The following FANCI variants were observed in gnomAD, a reference collection of about 807,000 sequenced individuals.
FANCI encodes the protein Fanconi anemia group I protein.
A neutral mutation model predicts 176.1 loss-of-function variants in FANCI; 156 were observed. The observed-to-expected ratio is 0.89, with a 90% CI of 0.78 to 1.01. FANCI has a LOEUF of 1.01. Among genes scored for constraint, FANCI ranks in the 50% least tolerant of loss-of-function variants. FANCI has a pLI of 0.00. For synonymous variants in FANCI, 613 were observed against 541.7 expected (o/e 1.13, Z -1.83); for missense variants, 1,678 against 1,534.1 (o/e 1.09, Z -1.57).
chr15:89,293,924 A>G lies in FANCI; in HGVS notation c.2383A>G (p.Lys795Glu), dbSNP rs2054160005. Residue 795 changes from lysine (K) to glutamate (E), a missense_variant, in exon 23 of 38, where the codon AAA becomes GAA. Physicochemically the swap from Lys to Glu is moderately conservative, Grantham distance 56. Coordinates refer to ENST00000310775, the MANE Select transcript of FANCI (RefSeq NM_001113378.2). Reference sequence around the variant, plus strand: ...TGAAAAAGCGGGTAAAGCCAAAACTAAAATGGCCAACAAGACAAGTGATAG... The same window carrying G: ...TGAAAAAGCGGGTAAAGCCAAAACTGAAATGGCCAACAAGACAAGTGATAG... ...LNEKAGKAKT[K>E]MANKTSDSLL... 1.2e-6 allele frequency: 2 copies of G among 1,614,158 alleles called. No homozygotes were observed. Among genetic ancestry groups the G allele is most frequent in the East Asian group, 4.5e-5 (2 of 44,866 alleles).
rs781503363 is a variant in FANCI at position 89,268,458 on chromosome 15, T to C, written c.815T>C (p.Ile272Thr). 1 of 1,614,186 alleles carries C rather than the reference T, an allele frequency of 6.2e-7. No homozygotes were observed. Among genetic ancestry groups the C allele is most frequent in the Non-Finnish European group, 8.5e-7 (1 of 1,180,022 alleles). Residue 272 changes from isoleucine to threonine, a missense_variant, in exon 10 of 38, where the codon ATT becomes ACT. Physicochemically the swap from Ile to Thr is moderately conservative, Grantham distance 89. Around this residue, in one of 3 missense-constraint regions of FANCI, gnomAD observed 469 missense variants for 436.9 expected, o/e 1.07. Transcript: ENST00000310775. Reference sequence around the variant, plus strand: ...CTTCGTCATGTGGAAGGCACCATTATTCTACACATTGTGTTTGCCATCAAA... The same window carrying C: ...CTTCGTCATGTGGAAGGCACCATTACTCTACACATTGTGTTTGCCATCAAA... ...GELRHVEGTI[I>T]LHIVFAIKLD... is the part of the protein sequence containing the mutation.
chr15:89,305,730 T>C lies in FANCI; in HGVS notation c.3349+32T>C, dbSNP rs1430943096. The stretch of plus-strand genomic sequence containing the variant: ...TAAGTTCAACTGGGATTCCAGGAAT[T>C]GACATGAGCAAGGTCAAAATTCATA... On this transcript the variant is annotated intron_variant, in intron 31 of 37. Transcript: ENST00000310775. 5 of 1,602,074 alleles carry C rather than the reference T, an allele frequency of 3.1e-6. No homozygotes were observed. In the East Asian group the frequency reaches 1.1e-4, roughly 36 times the overall value.
Position 89,264,616 on chromosome 15 carries a change from T to C in FANCI, c.755+9T>C, listed in dbSNP as rs369467223. The C allele has an allele frequency of 8.1e-6, 13 of 1,605,278 alleles. 1 individual carries two copies. The South Asian group carries it at 8.8e-5, about 11-fold the overall frequency. On this transcript the variant is annotated intron_variant, in intron 9 of 37. Transcript: ENST00000310775. ...GAACAGAGTGGTGACGAGTGAGTAATATAGTGTAGAAATAAAGATCATTTT... is the reference window on the plus strand; with the variant it reads ...GAACAGAGTGGTGACGAGTGAGTAACATAGTGTAGAAATAAAGATCATTTT...
chr15:89,264,437 T>C (rs1247633054), intron 8 of FANCI, 85 bp from the exon 9 acceptor site: 2 of 1,087,170 alleles, frequency 1.8e-6, no homozygotes, highest in Non-Finnish European at 2.8e-6. Flanking sequence ...TACTGGAGAA[T>C]TCTTTAAGCT....
chr15:89,312,794 G>A, intron 34 of FANCI, 110 bp from the exon 35 acceptor site: 1 of 815,054 alleles, frequency 1.2e-6, no homozygotes, highest in Non-Finnish European at 2.0e-6. Flanking sequence ...ACACCAGCCT[G>A]GGTGACAGCA....
At chr15:89,257,035 T>A (rs2052526562) in intron 2 of FANCI, among the ~76,000 whole-genome samples, 1 of 152,172 alleles carries the variant, frequency 6.6e-6, no homozygotes, top group African/African-American at 2.4e-5. Context: ...GCCTCCCAAG[T>A]AGCTGGGACT....
Position 89,299,985 on chromosome 15 carries a change from A to G in FANCI, c.2803+19A>G, listed in dbSNP as rs368375926. The stretch of plus-strand genomic sequence containing the variant: ...GCTCTGGGTAAGCATTGCAGTATCA[A>G]TAAATAGGCTTGATTTAGGTTTCTC... On this transcript the variant is annotated intron_variant, in intron 25 of 37. Transcript: ENST00000310775. 12 of 1,613,524 alleles carry G rather than the reference A, an allele frequency of 7.4e-6. No homozygotes were observed. In the Admixed American group the frequency reaches 1.2e-4, roughly 16 times the overall value.
chr15:89,275,861 G>T (rs1254680048), intron 12 of FANCI, among the ~76,000 whole-genome samples: 9 of 152,206 alleles, frequency 5.9e-5, no homozygotes, highest in African/African-American at 2.2e-4. Flanking sequence ...AGCTGGGAGA[G>T]ATTTGGATAG....
At chr15:89,287,552 A>G (rs2053868729) in intron 18 of FANCI, among the ~76,000 whole-genome samples, 1 of 152,224 alleles carries the variant, frequency 6.6e-6, no homozygotes, top group Admixed American at 6.5e-5. Flanking sequence ...ATTTCCTTTA[A>G]GAGCATTTTC....
intron 11 of FANCI, among the ~76,000 whole-genome samples, chr15:89,273,927 G>T (rs2053304728): frequency 6.6e-6 from 1 of 152,002 alleles, no homozygotes; most frequent in Non-Finnish European, 1.5e-5. Flanking sequence ...CTTAAGGAAG[G>T]CTTGTCTTCA....
intron 27 of FANCI, 134 bp downstream of exon 27, chr15:89,301,576 G>C: frequency 1.3e-6 from 1 of 762,332 alleles, no homozygotes; most frequent in Non-Finnish European, 2.4e-6. Flanking sequence ...ATACACCTGA[G>C]TTAATATAAG....
At chr15:89,247,871 T>G (rs897791995) in intron 2 of FANCI, 140 bp downstream of exon 2, 1 of 699,456 alleles carries the variant, frequency 1.4e-6, no homozygotes, top group Non-Finnish European at 2.4e-6. Context: ...TATTTAATAA[T>G]AATTTATAGA....
At position 89,265,710 on chromosome 15, in the gene FANCI, C is replaced by A. The variant is rs372116508; in HGVS notation, c.755+1103C>A. On this transcript the variant is annotated intron_variant, in intron 9 of 37. Coordinates refer to ENST00000310775, the MANE Select transcript of FANCI (RefSeq NM_001113378.2). ...AGCTAACTTTTTGTATTTTTAGTAGCGATGGGGTTTCACCATGTTGGCCAG... is the reference window on the plus strand; with the variant it reads ...AGCTAACTTTTTGTATTTTTAGTAGAGATGGGGTTTCACCATGTTGGCCAG... Among the ~76,000 whole-genome samples the A allele has an allele frequency of 2.7e-3, 406 of 150,888 alleles. 8 individuals are homozygous for A. The highest frequency in any genetic ancestry group is 0.015 in the East Asian group (77 of 5,068).
chr15:89,307,250 T>G (rs1229004495), intron 32 of FANCI, among the ~76,000 whole-genome samples: 1 of 152,216 alleles, frequency 6.6e-6, no homozygotes, highest in Non-Finnish European at 1.5e-5. Flanking sequence ...GCCTGAGGAA[T>G]TTTTAAAGAA....
chr15:89,290,130 AAAGT>A, intron 18 of FANCI, 79 bp from the exon 19 acceptor site: 1 of 1,100,544 alleles, frequency 9.1e-7, no homozygotes. Flanking sequence ...GAGGATAAAG[AAAGT>A]GTTATTTTTA....
chr15:89,315,469 TGGAAGGGCAACAGAATG>T, intron 37 of FANCI, 80 bp downstream of exon 37: 3 of 943,698 alleles, frequency 3.2e-6, no homozygotes, highest in African/African-American at 1.6e-5. Context: ...CACAGATTAG[TGGAAGGGCAACAGAATG>T]GGAAAGGGCT....
chr15:89,265,459 G>A (rs572419005), intron 9 of FANCI, among the ~76,000 whole-genome samples: 4 of 152,106 alleles, frequency 2.6e-5, no homozygotes, highest in Admixed American at 6.6e-5. Flanking sequence ...CACCCTCCTC[G>A]GTCTCTCAAA....
intron 18 of FANCI, among the ~76,000 whole-genome samples, chr15:89,287,918 C>T (rs1266493898): frequency 1.3e-5 from 2 of 151,748 alleles, no homozygotes; most frequent in Non-Finnish European, 2.9e-5. Flanking sequence ...TGTCAAAGAT[C>T]ATTTATCATA....
chr15:89,317,081 A>G lies in FANCI; in HGVS notation c.*622A>G, dbSNP rs1220492193. On this transcript the variant is annotated 3_prime_UTR_variant, in exon 38 of 38. Coordinates refer to ENST00000310775, the MANE Select transcript of FANCI (RefSeq NM_001113378.2). Reference sequence around the variant, plus strand: ...TTAAAGCACAGTTTGTTTTTCTGTCACCTATAGAGTGCAAGAATGCACTCT... The same window carrying G: ...TTAAAGCACAGTTTGTTTTTCTGTCGCCTATAGAGTGCAAGAATGCACTCT... 3 of 590,874 alleles carry G rather than the reference A, an allele frequency of 5.1e-6. No individual in the cohort carries two copies. Among genetic ancestry groups the G allele is most frequent in the Non-Finnish European group, 6.0e-6 (2 of 334,494 alleles). The allele number at this position is 590,874 out of a possible 1,614,324, so 36.6% of individuals were successfully genotyped here.
Sources: gnomAD v4.1 joint callset for allele counts (sites outside exome capture counted in the v4.1 genomes callset) on GRCh38, gnomAD v4.1.1 for gene constraint, gnomAD v4.1.1 regional missense constraint, MANE v1.5 for transcripts, NCBI Gene and HGNC (gene_info 2026-07-23, HGNC 2026-07-21) for gene names.